PRORP: variants seen among roughly 807,000 people sequenced by gnomAD.
PRORP encodes the protein protein only RNase P catalytic subunit, also known as mitochondrial ribonuclease P catalytic subunit.
Under a neutral mutation model 59.4 loss-of-function variants are expected in PRORP, and 51 were observed. That is an observed-to-expected ratio of 0.86 (90% CI 0.69 to 1.08). PRORP has a LOEUF of 1.08. Among genes scored for constraint, PRORP ranks in the 50% least tolerant of loss-of-function variants. The pLI, the probability that PRORP is intolerant of heterozygous loss-of-function variation, is 0.00. For missense variants in PRORP, 646 were observed against 690.3 expected (o/e 0.94, Z 0.72); for synonymous variants, 231 against 245.6 (o/e 0.94, Z 0.55).
Position 35,152,807 on chromosome 14 carries a change from A to C in PRORP, c.1167+25196A>C, listed in dbSNP as rs1212213522. Among the ~76,000 whole-genome samples, 18 of 146,270 alleles carry C rather than the reference A, an allele frequency of 1.2e-4. 1 individual carries two copies. The highest frequency in any genetic ancestry group is 3.7e-3 in the Middle Eastern group (1 of 270). On this transcript the variant is annotated intron_variant, in intron 4 of 7. Coordinates refer to ENST00000534898, the MANE Select transcript of PRORP (RefSeq NM_014672.4). ...CATCCCAGACGGGGAGGCGGAGCAG[A>C]GGCGCTCCCCACATCTCAGACGGTG...
intron 4 of PRORP, among the ~76,000 whole-genome samples, chr14:35,141,941 C>T (rs1346915448): frequency 6.9e-6 from 1 of 144,526 alleles, no homozygotes; most frequent in Non-Finnish European, 1.5e-5. Flanking sequence ...TGCAATGGCA[C>T]GATTTCGGCT....
At chr14:35,124,421 C>T (rs1315786793) in intron 2 of PRORP, 190 bp downstream of exon 2, 2 of 363,554 alleles carry the variant, frequency 5.5e-6, no homozygotes, top group Non-Finnish European at 9.8e-6. Flanking sequence ...GCATGTGCCA[C>T]CATACCTGGC....
Position 35,123,621 on chromosome 14 carries a change from A to G in PRORP, c.376A>G (p.Lys126Glu). The G allele has an allele frequency of 6.2e-7, 1 of 1,614,242 alleles. No individual in the cohort carries two copies. Among genetic ancestry groups the G allele is most frequent in the Non-Finnish European group, 8.5e-7 (1 of 1,180,048 alleles). Residue 126 changes from lysine (K) to glutamate (E), a missense_variant, in exon 2 of 8, where the codon AAA (lysine) becomes GAA (glutamate). Lys to Glu is a moderately conservative substitution (Grantham distance 56). Coordinates refer to ENST00000534898, the MANE Select transcript of PRORP (RefSeq NM_014672.4). ...TQPLNSEEWD[K>E]LKEDLKENTG... ...ACCTTTGAATTCAGAGGAGTGGGAT[A>G]AACTTAAGGAAGATTTAAAAGAAAA... is the stretch of plus-strand genomic sequence containing the variant.
At chr14:35,129,780 T>G (rs1443235224) in intron 4 of PRORP, among the ~76,000 whole-genome samples, 1 of 151,910 alleles carries the variant, frequency 6.6e-6, no homozygotes, top group Non-Finnish European at 1.5e-5. Context: ...TGCCCAGCCT[T>G]GTATGTTTTT....
intron 5 of PRORP, among the ~76,000 whole-genome samples, chr14:35,228,354 C>T (rs951661725): frequency 1.2e-4 from 18 of 152,228 alleles, no homozygotes; most frequent in African/African-American, 4.1e-4. Context: ...ATTTGTTACA[C>T]AGATATATTG....
At chr14:35,130,284 G>A (rs555723389) in intron 4 of PRORP, among the ~76,000 whole-genome samples, 12 of 151,678 alleles carry the variant, frequency 7.9e-5, no homozygotes, top group African/African-American at 2.7e-4. Flanking sequence ...TGCCCGCCTC[G>A]GCCTCCCAAA....
intron 4 of PRORP, among the ~76,000 whole-genome samples, chr14:35,154,618 A>T (rs1052048451): frequency 1.3e-5 from 2 of 152,098 alleles, no homozygotes; most frequent in African/African-American, 4.8e-5. Context: ...AATATGTTAA[A>T]TTACACCTCA....
At chr14:35,213,476 A>T (rs1480402165) in intron 5 of PRORP, among the ~76,000 whole-genome samples, 2 of 152,156 alleles carry the variant, frequency 1.3e-5, no homozygotes, top group Non-Finnish European at 2.9e-5. Context: ...TTCTTTGCAT[A>T]CACAACTTGG....
intron 5 of PRORP, among the ~76,000 whole-genome samples, chr14:35,234,572 T>TA (rs2050158616): frequency 6.6e-6 from 1 of 152,160 alleles, no homozygotes; most frequent in African/African-American, 2.4e-5. Flanking sequence ...CCTACGCCCC[T>TA]AGCCTTACTT....
chr14:35,129,157 G>A (rs1172277424), intron 4 of PRORP, among the ~76,000 whole-genome samples: 6 of 151,820 alleles, frequency 4.0e-5, no homozygotes, highest in Non-Finnish European at 7.4e-5. Context: ...GAAGTGAGCC[G>A]AGATCACGCC....
At chr14:35,218,079 G>A (rs923230603) in intron 5 of PRORP, among the ~76,000 whole-genome samples, 1 of 152,100 alleles carries the variant, frequency 6.6e-6, no homozygotes, top group Non-Finnish European at 1.5e-5. Flanking sequence ...TCAAATGTTT[G>A]TTAACAGTTT....
chr14:35,153,441 C>CA (rs1236496915), intron 4 of PRORP, among the ~76,000 whole-genome samples: 1 of 152,152 alleles, frequency 6.6e-6, no homozygotes, highest in Non-Finnish European at 1.5e-5. Flanking sequence ...GACAATCCTA[C>CA]AAGGAAGGCA....
intron 4 of PRORP, among the ~76,000 whole-genome samples, chr14:35,179,718 G>A (rs2048550104): frequency 6.6e-6 from 1 of 152,192 alleles, no homozygotes; most frequent in Non-Finnish European, 1.5e-5. Context: ...TTGATCGTCT[G>A]AAGCCTTCTT....
At chr14:35,192,967 TG>T (rs1353434419) in intron 5 of PRORP, among the ~76,000 whole-genome samples, 3 of 144,552 alleles carry the variant, frequency 2.1e-5, no homozygotes, top group Admixed American at 1.4e-4. Context: ...CAGTCCAGCC[TG>T]GGTGACAGAG....
chr14:35,135,968 A>T (rs1343778313), intron 4 of PRORP, among the ~76,000 whole-genome samples: 1 of 151,872 alleles, frequency 6.6e-6, no homozygotes, highest in Non-Finnish European at 1.5e-5. Flanking sequence ...AAAAAAAAAA[A>T]AAAAAAGTGT....
intron 5 of PRORP, among the ~76,000 whole-genome samples, chr14:35,203,160 G>T (rs1185705522): frequency 6.6e-6 from 1 of 152,136 alleles, no homozygotes; most frequent in Non-Finnish European, 1.5e-5. Flanking sequence ...TTTAGAACTT[G>T]AGAACTTTTT....
Position 35,123,436 on chromosome 14 carries a change from A to G in PRORP, c.191A>G (p.Lys64Arg), listed in dbSNP as rs567358562. Residue 64 changes from lysine (K) to arginine (R), a missense_variant, in exon 2 of 8, where the codon AAG (lysine) becomes AGG (arginine). Physicochemically the swap from Lys to Arg is conservative, Grantham distance 26 (BLOSUM62 2). Coordinates refer to ENST00000534898, the MANE Select transcript of PRORP (RefSeq NM_014672.4). ...ACCAAAGCAACGAATCTGATTGCCA[A>G]GGCCAGATATCTCAGGAAAGATGAG... is the stretch of plus-strand genomic sequence containing the variant. ...QNTKATNLIA[K>R]ARYLRKDEGS... The G allele has an allele frequency of 1.9e-6, 3 of 1,614,202 alleles. No homozygotes were observed. The highest frequency in any genetic ancestry group is 2.5e-6 in the Non-Finnish European group (3 of 1,180,038).
chr14:35,158,848 G>A (rs2138937706), intron 4 of PRORP: 1 of 309,010 alleles, frequency 3.2e-6, no homozygotes, highest in South Asian at 3.3e-5. Context: ...AGAAAGACTT[G>A]GATATTCTGG....
At chr14:35,223,720 A>C (rs1219857243) in intron 5 of PRORP, among the ~76,000 whole-genome samples, 1 of 152,080 alleles carries the variant, frequency 6.6e-6, no homozygotes. Flanking sequence ...CAGCCTCCCA[A>C]AGTGCTGGGA....
Sources: allele counts gnomAD v4.1 joint callset (sites outside exome capture counted in the v4.1 genomes callset), GRCh38; gene constraint gnomAD v4.1.1; transcripts MANE v1.5; gene names NCBI Gene and HGNC (gene_info 2026-07-23, HGNC 2026-07-21).